The following ZFAND6 variants were observed in gnomAD, a reference collection of about 807,000 sequenced individuals.
The protein encoded by ZFAND6 is AN1-type zinc finger protein 6.
A neutral mutation model predicts 24.5 loss-of-function variants in ZFAND6; 12 were observed. The ratio of observed to expected loss-of-function variants is 0.49; its 90% CI spans 0.31 to 0.79. The LOEUF (loss-of-function observed/expected upper bound fraction) is 0.79, where lower values mean the gene tolerates loss of function less well. Ranked by LOEUF, ZFAND6 falls within the 30% of genes least tolerant of loss-of-function variation. ZFAND6 has a pLI of 0.04. For synonymous variants in ZFAND6, 92 were observed against 81.5 expected, an observed-to-expected ratio of 1.13 and a Z score of -0.69; for missense variants, 207 against 245.9, an observed-to-expected ratio of 0.84 and a Z score of 1.06.
chr15:80,105,065 T>C (rs927993036), intron 2 of ZFAND6, among the ~76,000 whole-genome samples: 2 of 152,234 alleles, frequency 1.3e-5, no homozygotes, highest in African/African-American at 4.8e-5. Context: ...ACAGATTTTG[T>C]GATGTGGCCT....
chr15:80,097,261 A>G (rs1008377454), intron 1 of ZFAND6, among the ~76,000 whole-genome samples: 6 of 152,028 alleles, frequency 3.9e-5, no homozygotes, highest in Non-Finnish European at 7.4e-5. Flanking sequence ...CAGCCTCCCA[A>G]AGTGCTGGGA....
At chr15:80,093,555 C>T (rs1203296767) in intron 1 of ZFAND6, among the ~76,000 whole-genome samples, 2 of 151,878 alleles carry the variant, frequency 1.3e-5, no homozygotes, top group Non-Finnish European at 2.9e-5. Context: ...GGTGAAACTC[C>T]GTCTCTACTA....
chr15:80,092,621 G>C (rs2038453079), intron 1 of ZFAND6, among the ~76,000 whole-genome samples: 2 of 152,178 alleles, frequency 1.3e-5, no homozygotes, highest in Non-Finnish European at 2.9e-5. Flanking sequence ...GGCTGAATTA[G>C]TGTCTTACAT....
At chr15:80,120,944 G>A (rs1270444945) in intron 3 of ZFAND6, 1 of 152,324 alleles carries the variant, frequency 6.6e-6, no homozygotes, top group Non-Finnish European at 1.5e-5. Flanking sequence ...TTAACTCATA[G>A]TAAGGGATGT....
chr15:80,126,189 G>T (rs1259944083), intron 5 of ZFAND6, among the ~76,000 whole-genome samples: 1 of 152,174 alleles, frequency 6.6e-6, no homozygotes, highest in African/African-American at 2.4e-5. Context: ...GAGGGTTTCT[G>T]ACTTTATACA....
At chr15:80,125,850 G>GC (rs1353946593) in intron 5 of ZFAND6, among the ~76,000 whole-genome samples, 1 of 152,094 alleles carries the variant, frequency 6.6e-6, no homozygotes, top group Non-Finnish European at 1.5e-5. Flanking sequence ...ACTTCACTGA[G>GC]CCTTACTTTC....
intron 1 of ZFAND6, among the ~76,000 whole-genome samples, chr15:80,077,050 T>C (rs1167020588): frequency 6.6e-6 from 1 of 152,174 alleles, no homozygotes; most frequent in African/African-American, 2.4e-5. Flanking sequence ...TAGTTTTGAG[T>C]TTCATAGCTG....
At chr15:80,103,980 C>T (rs2039174304) in intron 2 of ZFAND6, among the ~76,000 whole-genome samples, 1 of 152,130 alleles carries the variant, frequency 6.6e-6, no homozygotes, top group South Asian at 2.1e-4. Flanking sequence ...TCCTGAGTAG[C>T]TGGGACCACA....
At chr15:80,128,366 G>A (rs961312483) in intron 5 of ZFAND6, among the ~76,000 whole-genome samples, 1 of 152,164 alleles carries the variant, frequency 6.6e-6, no homozygotes, top group Non-Finnish European at 1.5e-5. Flanking sequence ...GGCTTTTGCT[G>A]GAGGATGACT....
intron 6 of ZFAND6, among the ~76,000 whole-genome samples, chr15:80,132,290 A>T (rs1018916094): frequency 1.3e-5 from 2 of 152,222 alleles, no homozygotes; most frequent in Non-Finnish European, 2.9e-5. Flanking sequence ...AGAGTTAGGC[A>T]TGTCTTGAAT....
At chr15:80,119,801 G>A (rs1218373659) in intron 2 of ZFAND6, among the ~76,000 whole-genome samples, 1 of 152,088 alleles carries the variant, frequency 6.6e-6, no homozygotes, top group East Asian at 1.9e-4. Flanking sequence ...CAAAAAGATT[G>A]AACCAATTTA....
At chr15:80,116,016 T>C (rs1041569051) in intron 2 of ZFAND6, among the ~76,000 whole-genome samples, 2 of 152,106 alleles carry the variant, frequency 1.3e-5, no homozygotes, top group South Asian at 2.1e-4. Context: ...ATAAGCAGTA[T>C]AGCATAGTTG....
Position 80,121,766 on chromosome 15 carries a change from G to C in ZFAND6, c.209G>C (p.Ser70Thr). 5 of 1,613,900 alleles carry C rather than the reference G, an allele frequency of 3.1e-6. No individual in the cohort carries two copies. The highest frequency in any genetic ancestry group is 4.2e-6 in the Non-Finnish European group (5 of 1,179,872). Residue 70 changes from serine (S) to threonine (T), a missense_variant, in exon 4 of 7, where the codon AGT (serine) becomes ACT (threonine). Physicochemically the swap from Ser to Thr is moderately conservative, Grantham distance 58. Coordinates refer to ENST00000261749, the MANE Select transcript of ZFAND6 (RefSeq NM_019006.4). ...ESLPVQCTDGSVPEAQSALDS... is the reference protein window; with the variant it reads ...ESLPVQCTDGTVPEAQSALDS... Reference sequence around the variant, plus strand: ...TTACCAGTTCAATGCACAGATGGCAGTGTGCCAGAAGCCCAGTCAGCATTA... The same window carrying C: ...TTACCAGTTCAATGCACAGATGGCACTGTGCCAGAAGCCCAGTCAGCATTA...
Position 80,105,940 on chromosome 15 carries a change from A to C in ZFAND6, c.-18+7362A>C, listed in dbSNP as rs79150497. 7.7e-3 allele frequency among the ~76,000 whole-genome samples: 1,170 copies of C among 152,294 alleles called. 20 individuals are homozygous for C. Among genetic ancestry groups the C allele is most frequent in the African/African-American group, 0.027 (1,131 of 41,560 alleles). On this transcript the variant is annotated intron_variant, in intron 2 of 6. Transcript: ENST00000261749. Reference sequence around the variant, plus strand: ...TATTCTAAAACTTTGTGGTTTTGATACTTAACATTTTGTGGTTTTGTGGCT... The same window carrying C: ...TATTCTAAAACTTTGTGGTTTTGATCCTTAACATTTTGTGGTTTTGTGGCT...
intron 1 of ZFAND6, among the ~76,000 whole-genome samples, chr15:80,068,139 T>G (rs7164584): frequency 0.68 from 93,019 of 137,166 alleles, 32,218 homozygotes; most frequent in Non-Finnish European, 0.72. Context: ...TTTTTTTTTT[T>G]TTTGTTTGTT....
At chr15:80,078,935 T>C (rs1198817090) in intron 1 of ZFAND6, among the ~76,000 whole-genome samples, 2 of 152,112 alleles carry the variant, frequency 1.3e-5, no homozygotes, top group Admixed American at 1.3e-4. Flanking sequence ...ATGTGCACAG[T>C]GTGCGGGTTA....
chr15:80,078,494 T>C (rs1413603405), intron 1 of ZFAND6, among the ~76,000 whole-genome samples: 2 of 152,258 alleles, frequency 1.3e-5, no homozygotes, highest in Non-Finnish European at 2.9e-5. Context: ...GTCTTTGCTC[T>C]TGTGAATAGT....
At chr15:80,127,100 CCT>C (rs1388151850) in intron 5 of ZFAND6, among the ~76,000 whole-genome samples, 1 of 150,938 alleles carries the variant, frequency 6.6e-6, no homozygotes, top group Non-Finnish European at 1.5e-5. Flanking sequence ...AGAATGAGAC[CCT>C]CTCTCAAAAA....
At chr15:80,064,018 C>G (rs757737781) in intron 1 of ZFAND6, among the ~76,000 whole-genome samples, 11 of 152,208 alleles carry the variant, frequency 7.2e-5, no homozygotes, top group Non-Finnish European at 1.6e-4. Flanking sequence ...TGCTCGGTAG[C>G]CACATATGAC....
Sources: gnomAD v4.1 joint callset for allele counts (sites outside exome capture counted in the v4.1 genomes callset) on GRCh38, gnomAD v4.1.1 for gene constraint, MANE v1.5 for transcripts, NCBI Gene and HGNC (gene_info 2026-07-23, HGNC 2026-07-21) for gene names.